UBASH3B: variants seen among roughly 807,000 people sequenced by gnomAD.
The protein encoded by UBASH3B is ubiquitin associated and SH3 domain containing B.
Under a neutral mutation model 83.4 loss-of-function variants are expected in UBASH3B, and 37 were observed. The ratio of observed to expected loss-of-function variants is 0.44; its 90% CI spans 0.34 to 0.58. UBASH3B has a LOEUF of 0.58. Among genes scored for constraint, UBASH3B ranks in the 20% least tolerant of loss-of-function variants. UBASH3B has a pLI of 0.01. For synonymous variants in UBASH3B, 304 were observed against 318.3 expected (o/e 0.96, Z 0.48); for missense variants, 657 against 827.2 (o/e 0.79, Z 2.52).
intron 1 of UBASH3B, among the ~76,000 whole-genome samples, chr11:122,747,051 T>C (rs1389935720): frequency 6.6e-6 from 1 of 152,026 alleles, no homozygotes; most frequent in East Asian, 1.9e-4. Flanking sequence ...CCGAGGCTCC[T>C]GGCTGAAGCA....
At chr11:122,791,152 T>A (rs529017539) in intron 6 of UBASH3B, among the ~76,000 whole-genome samples, 1 of 152,206 alleles carries the variant, frequency 6.6e-6, no homozygotes, top group Admixed American at 6.5e-5. Flanking sequence ...CTGAGAACAA[T>A]GTCTGAAATT....
intron 1 of UBASH3B, among the ~76,000 whole-genome samples, chr11:122,738,629 C>T (rs1860973952): frequency 6.6e-6 from 1 of 152,198 alleles, no homozygotes; most frequent in South Asian, 2.1e-4. Flanking sequence ...TGGCTCACGC[C>T]TGTAATCCTA....
Position 122,813,018 on chromosome 11 carries a change from G to T in UBASH3B, c.*3132G>T, listed in dbSNP as rs1240928489. 1 of 152,518 alleles carries T rather than the reference G, an allele frequency of 6.6e-6. No individual in the cohort carries two copies. The highest frequency in any genetic ancestry group is 6.6e-5 in the Admixed American group (1 of 15,264). 9.4% of individuals were successfully genotyped at this position (152,518 alleles called of 1,614,324 possible). A position where few individuals can be genotyped will look rare whatever the true frequency, so the allele number is the denominator to read the frequency against. The stretch of plus-strand genomic sequence containing the variant: ...TTCACTCTGTAGTGAAAGGCTTGGA[G>T]GAGTTTCTACTTTTTATTTTAATTA... On this transcript the variant is annotated 3_prime_UTR_variant, in exon 14 of 14. Transcript: ENST00000284273.
chr11:122,761,924 T>A (rs1228168899), intron 1 of UBASH3B, among the ~76,000 whole-genome samples: 1 of 151,172 alleles, frequency 6.6e-6, no homozygotes, highest in Non-Finnish European at 1.5e-5. Flanking sequence ...CCCGAGTAGC[T>A]GGGACTACAG....
At chr11:122,657,556 T>G (rs1863380987) in intron 1 of UBASH3B, among the ~76,000 whole-genome samples, 1 of 152,242 alleles carries the variant, frequency 6.6e-6, no homozygotes, top group Admixed American at 6.5e-5. Context: ...CCCAAAGTGC[T>G]GGGATTACAG....
At chr11:122,674,398 T>C (rs891087733) in intron 1 of UBASH3B, among the ~76,000 whole-genome samples, 3 of 129,372 alleles carry the variant, frequency 2.3e-5, no homozygotes, top group African/African-American at 8.9e-5. Context: ...TTTTTTTTTT[T>C]GAGACGGAGT....
At chr11:122,732,073 C>A (rs1367162912) in intron 1 of UBASH3B, among the ~76,000 whole-genome samples, 1 of 152,184 alleles carries the variant, frequency 6.6e-6, no homozygotes, top group East Asian at 1.9e-4. Context: ...GTGTCTCCCC[C>A]ATCTCTAGTC....
intron 1 of UBASH3B, among the ~76,000 whole-genome samples, chr11:122,691,811 T>A (rs770354851): frequency 5.3e-5 from 8 of 152,158 alleles, no homozygotes; most frequent in African/African-American, 4.8e-5. Flanking sequence ...AGCAAAAGGC[T>A]GTGATGGCCA....
intron 1 of UBASH3B, among the ~76,000 whole-genome samples, chr11:122,679,045 G>A (rs1226070222): frequency 1.3e-5 from 2 of 152,126 alleles, no homozygotes; most frequent in African/African-American, 4.8e-5. Context: ...GGTACACGAG[G>A]TACTAAGAGA....
At chr11:122,731,233 G>A (rs1860839088) in intron 1 of UBASH3B, among the ~76,000 whole-genome samples, 2 of 152,196 alleles carry the variant, frequency 1.3e-5, no homozygotes, top group South Asian at 4.1e-4. Context: ...AGTTTGAGGT[G>A]TGGCAGCAAA....
chr11:122,802,018 T>C (rs926371002), intron 11 of UBASH3B, among the ~76,000 whole-genome samples: 1 of 152,148 alleles, frequency 6.6e-6, no homozygotes, highest in African/African-American at 2.4e-5. Flanking sequence ...ATGTATACAA[T>C]TAAGAATTAA....
At position 122,758,087 on chromosome 11, in the gene UBASH3B, G is replaced by A. The variant is rs971529947; in HGVS notation, c.162-18132G>A. ...CCCTTCGTCTGGCAAGGGCTTAGGT[G>A]TCTTTACCAAGTGCCAAATTGCCAG... On this transcript the variant is annotated intron_variant, in intron 1 of 13. Transcript: ENST00000284273. The surrounding 1 kb of genome is among the most constrained non-coding windows in gnomAD (Gnocchi z 4.2). Among the ~76,000 whole-genome samples, 2 of 152,138 alleles carry A rather than the reference G, an allele frequency of 1.3e-5. No homozygotes were observed. The highest frequency in any genetic ancestry group is 4.8e-5 in the African/African-American group (2 of 41,426).
intron 1 of UBASH3B, among the ~76,000 whole-genome samples, chr11:122,674,124 T>A (rs577992390): frequency 1.4e-4 from 21 of 152,092 alleles, no homozygotes; most frequent in African/African-American, 4.8e-4. Context: ...TTAAATTATA[T>A]CAAAATAAAA....
At chr11:122,809,025 C>G (rs573728129) in intron 13 of UBASH3B, among the ~76,000 whole-genome samples, 1 of 150,352 alleles carries the variant, frequency 6.7e-6, no homozygotes, top group African/African-American at 2.4e-5. Context: ...AAATATTTTC[C>G]ATTGGGTCCA....
chr11:122,754,727 T>A (rs1183339689), intron 1 of UBASH3B, among the ~76,000 whole-genome samples: 1 of 152,106 alleles, frequency 6.6e-6, no homozygotes, highest in East Asian at 1.9e-4. Context: ...CCCAACTTCC[T>A]CCCTCTGGTG....
At chr11:122,695,517 G>A (rs546984271) in intron 1 of UBASH3B, among the ~76,000 whole-genome samples, 108 of 152,348 alleles carry the variant, frequency 7.1e-4, no homozygotes, top group African/African-American at 2.5e-3. Flanking sequence ...ATCTCCTTGA[G>A]TGGTGAATGC....
At chr11:122,722,216 G>A (rs1017842696) in intron 1 of UBASH3B, among the ~76,000 whole-genome samples, 2 of 152,202 alleles carry the variant, frequency 1.3e-5, no homozygotes, top group Admixed American at 6.5e-5. Context: ...GGATGGCCCA[G>A]TGGGACCTAG....
intron 1 of UBASH3B, among the ~76,000 whole-genome samples, chr11:122,708,419 G>A (rs1425216019): frequency 6.6e-6 from 1 of 151,404 alleles, no homozygotes; most frequent in Non-Finnish European, 1.5e-5. Context: ...AGCCTCCCGA[G>A]TAGCTGGGAT....
intron 1 of UBASH3B, among the ~76,000 whole-genome samples, chr11:122,738,934 T>C (rs1054047423): frequency 6.6e-5 from 10 of 152,044 alleles, no homozygotes; most frequent in Non-Finnish European, 1.5e-4. Flanking sequence ...ATATTTGAAT[T>C]TTGCTTTGTG....
Sources: allele counts gnomAD v4.1 joint callset (sites outside exome capture counted in the v4.1 genomes callset), GRCh38; gene constraint gnomAD v4.1.1; non-coding constraint Gnocchi (gnomAD v3.1); transcripts MANE v1.5; gene names NCBI Gene and HGNC (gene_info 2026-07-23, HGNC 2026-07-21).